The following NEDD4 variants were observed in gnomAD, a reference collection of about 807,000 sequenced individuals.
NEDD4 encodes the protein NEDD4 E3 ubiquitin protein ligase.
Under a neutral mutation model 144.9 loss-of-function variants are expected in NEDD4, and 99 were observed. That is an observed-to-expected ratio of 0.68 (90% CI 0.58 to 0.81). NEDD4 has a LOEUF of 0.81. NEDD4 is among the 30% of genes least tolerant of loss of function. The pLI is 0.00. For missense variants in NEDD4, 985 were observed against 1,065.9 expected, an observed-to-expected ratio of 0.92 and a Z score of 1.06; for synonymous variants, 318 against 350.6, an observed-to-expected ratio of 0.91 and a Z score of 1.04.
chr15:55,964,234 T>C (rs1242578973), intron 2 of NEDD4, among the ~76,000 whole-genome samples: 1 of 152,198 alleles, frequency 6.6e-6, no homozygotes, highest in Non-Finnish European at 1.5e-5. Flanking sequence ...TAAGATATTA[T>C]ATAATGATAT....
At chr15:55,939,249 C>A (rs1299476435) in intron 4 of NEDD4, among the ~76,000 whole-genome samples, 5 of 152,114 alleles carry the variant, frequency 3.3e-5, no homozygotes, top group African/African-American at 1.2e-4. Flanking sequence ...ATCACGGGGG[C>A]AGTTTCCCCC....
intron 5 of NEDD4, among the ~76,000 whole-genome samples, chr15:55,924,160 T>C (rs903760663): frequency 6.6e-6 from 1 of 152,198 alleles, no homozygotes; most frequent in Non-Finnish European, 1.5e-5. Context: ...AAGACTTTAT[T>C]TGCTCATTCC....
chr15:55,861,336 TA>T (rs1300649543), intron 9 of NEDD4, among the ~76,000 whole-genome samples: 1 of 152,134 alleles, frequency 6.6e-6, no homozygotes, highest in Non-Finnish European at 1.5e-5. Flanking sequence ...CTGTTTTTCG[TA>T]ATATACAGTC....
chr15:55,872,020 CT>C (rs2034816838), intron 7 of NEDD4, among the ~76,000 whole-genome samples: 1 of 152,018 alleles, frequency 6.6e-6, no homozygotes, highest in Non-Finnish European at 1.5e-5. Flanking sequence ...TTCTGAAATA[CT>C]AAGTATGCAA....
chr15:55,984,814 A>G (rs2037863518), intron 1 of NEDD4, among the ~76,000 whole-genome samples: 1 of 152,232 alleles, frequency 6.6e-6, no homozygotes, highest in African/African-American at 2.4e-5. Context: ...GCCAGAAGAA[A>G]TAGAAGTCCT....
intron 5 of NEDD4, among the ~76,000 whole-genome samples, chr15:55,899,188 A>C (rs1345993561): frequency 1.3e-5 from 2 of 152,102 alleles, no homozygotes; most frequent in Admixed American, 6.5e-5. Context: ...TCTTCTTTTT[A>C]ATTCTCTCTC....
rs561948068 is a variant in NEDD4 at position 55,830,396 on chromosome 15, C to G, written c.2600+118G>C. ...TGGGTGTCACCAACTCCTTCTTACC[C>G]ATAATCCATACCTGCCACCGACATA... is the stretch of plus-strand genomic sequence containing the variant. On this transcript the variant is annotated intron_variant, in intron 28 of 28. Coordinates refer to ENST00000435532, the MANE Select transcript of NEDD4 (RefSeq NM_006154.4). The G allele has an allele frequency of 1.0e-4, 95 of 912,616 alleles. No homozygotes were observed. In the South Asian group the frequency reaches 1.3e-3, roughly 12 times the overall value. 56.5% of individuals were successfully genotyped at this position (912,616 alleles called of 1,614,324 possible).
Position 55,848,443 on chromosome 15 carries a change from AAAAG to A in NEDD4, c.1484-17_1484-14del. ...GTTCTTTTTATATCTGAAGGGAAGA[AAAAG>A]AAAAAAGATGTACTTTCTCACACAT... On this transcript the variant is annotated splice_polypyrimidine_tract_variant and intron_variant, in intron 16 of 28. Coordinates refer to ENST00000435532, the MANE Select transcript of NEDD4 (RefSeq NM_006154.4). The A allele has an allele frequency of 1.2e-6, 2 of 1,614,048 alleles. No individual in the cohort carries two copies. The highest frequency in any genetic ancestry group is 1.7e-6 in the Non-Finnish European group (2 of 1,179,910).
intron 12 of NEDD4, among the ~76,000 whole-genome samples, 160 bp from the exon 13 acceptor site, chr15:55,852,703 A>T (rs1260491424): frequency 2.7e-5 from 3 of 111,908 alleles, no homozygotes; most frequent in Admixed American, 9.6e-5. Context: ...ATATATATAT[A>T]TATATATATA....
intron 9 of NEDD4, 43 bp downstream of exon 9, chr15:55,862,870 A>T: frequency 6.6e-7 from 1 of 1,518,390 alleles, no homozygotes. Context: ...ATTCGTAGTT[A>T]AAGTGTTTCC....
intron 5 of NEDD4, among the ~76,000 whole-genome samples, chr15:55,907,248 A>C (rs1482745538): frequency 6.6e-6 from 1 of 152,046 alleles, no homozygotes; most frequent in Non-Finnish European, 1.5e-5. Context: ...AGGAAGTGCA[A>C]ACTTTGGCTA....
Position 55,873,928 on chromosome 15 carries a change from A to G in NEDD4, c.342+30T>C, listed in dbSNP as rs564846332. 336 of 1,375,044 alleles carry G rather than the reference A, an allele frequency of 2.4e-4. 4 individuals are homozygous for G. The South Asian group carries it at 5.0e-3, about 20-fold the overall frequency. 85.2% of individuals were successfully genotyped at this position (1,375,044 alleles called of 1,614,324 possible). A position where few individuals can be genotyped will look rare whatever the true frequency, so the allele number is the denominator to read the frequency against. ...TTTATTAAATTAAAAAAATAAGCCC[A>G]AAAGGAAAATCATGGACACCTATAC... On this transcript the variant is annotated intron_variant, in intron 6 of 28. Transcript: ENST00000435532.
At chr15:55,993,414 C>CAG (rs1289763459) in intron 1 of NEDD4, 97 bp downstream of exon 1, 1 of 1,459,590 alleles carries the variant, frequency 6.9e-7, no homozygotes, top group Admixed American at 1.9e-5. Context: ...GGGCTGACAG[C>CAG]AGAGCCTCCG....
chr15:55,885,450 T>C (rs1043231773), intron 5 of NEDD4, among the ~76,000 whole-genome samples: 6 of 152,102 alleles, frequency 3.9e-5, no homozygotes, highest in Non-Finnish European at 4.4e-5. Context: ...ATATGTTAAG[T>C]AGAAAGACTA....
intron 1 of NEDD4, 39 bp downstream of exon 1, chr15:55,993,472 C>A (rs746103211): frequency 1.3e-6 from 2 of 1,591,436 alleles, no homozygotes; most frequent in East Asian, 4.8e-5. Flanking sequence ...CTGAATAACC[C>A]GAAGGGAAGC....
chr15:55,949,653 G>A (rs142648314), intron 4 of NEDD4, among the ~76,000 whole-genome samples: 84 of 152,262 alleles, frequency 5.5e-4, no homozygotes, highest in Admixed American at 1.6e-3. Flanking sequence ...CTTTTGTAGG[G>A]ACATGGATGA....
At chr15:55,892,911 C>T (rs1379214388) in intron 5 of NEDD4, among the ~76,000 whole-genome samples, 1 of 152,130 alleles carries the variant, frequency 6.6e-6, no homozygotes, top group Non-Finnish European at 1.5e-5. Flanking sequence ...ATTAGATTGT[C>T]AATCTAAATT....
chr15:55,984,236 A>C (rs1240536039), intron 1 of NEDD4, among the ~76,000 whole-genome samples: 1 of 152,194 alleles, frequency 6.6e-6, no homozygotes, highest in Non-Finnish European at 1.5e-5. Context: ...TCCTGAGAAA[A>C]AGTCTCTTCT....
chr15:55,990,594 C>T (rs1034304968), intron 1 of NEDD4, among the ~76,000 whole-genome samples: 6 of 152,132 alleles, frequency 3.9e-5, no homozygotes, highest in Admixed American at 6.5e-5. Context: ...AGAAACAAAA[C>T]AATATGCTCC....
Sources: gnomAD v4.1 joint callset for allele counts (sites outside exome capture counted in the v4.1 genomes callset) on GRCh38, gnomAD v4.1.1 for gene constraint, MANE v1.5 for transcripts, NCBI Gene and HGNC (gene_info 2026-07-23, HGNC 2026-07-21) for gene names.